The following ECT2 variants were observed in gnomAD, a reference collection of about 807,000 sequenced individuals.
The protein encoded by ECT2 is protein ECT2.
In ECT2, 61 loss-of-function variants were observed where a neutral mutation model predicts 116.9. That is an observed-to-expected ratio of 0.52 (90% CI 0.42 to 0.65). The LOEUF (loss-of-function observed/expected upper bound fraction) is 0.65, where lower values mean the gene tolerates loss of function less well. Among genes scored for constraint, ECT2 ranks in the 30% least tolerant of loss-of-function variants. The pLI is 0.00. For missense variants in ECT2, 937 were observed against 1,078.7 expected, an observed-to-expected ratio of 0.87 and a Z score of 1.84; for synonymous variants, 358 against 346.4, an observed-to-expected ratio of 1.03 and a Z score of -0.37.
chr3:172,788,285 T>C (rs944661536), intron 18 of ECT2, among the ~76,000 whole-genome samples: 1 of 152,222 alleles, frequency 6.6e-6, no homozygotes, highest in East Asian at 1.9e-4. Flanking sequence ...AAAAGCCTCC[T>C]AAAATTGAAT....
chr3:172,816,956 T>C, intron 24 of ECT2, 119 bp downstream of exon 24: 1 of 733,742 alleles, frequency 1.4e-6, no homozygotes. Flanking sequence ...TAATTTTATT[T>C]AACCCAGTAT....
chr3:172,752,931 G>T (rs976380081), intron 1 of ECT2, among the ~76,000 whole-genome samples: 1 of 152,158 alleles, frequency 6.6e-6, no homozygotes, highest in Non-Finnish European at 1.5e-5. Context: ...ACTTTGCTAA[G>T]ACTCTGGAGG....
intron 18 of ECT2, among the ~76,000 whole-genome samples, chr3:172,801,680 C>T (rs1726748859): frequency 6.6e-6 from 1 of 152,222 alleles, no homozygotes; most frequent in Non-Finnish European, 1.5e-5. Context: ...TAGCTAGGCA[C>T]TATCTGTGCT....
At chr3:172,772,257 C>T (rs1050040214) in intron 13 of ECT2, among the ~76,000 whole-genome samples, 38 of 150,490 alleles carry the variant, frequency 2.5e-4, no homozygotes, top group African/African-American at 8.8e-4. Flanking sequence ...CTTGCTCTGT[C>T]GCCCAGGCTG....
chr3:172,801,191 T>C (rs1726653660), intron 18 of ECT2, among the ~76,000 whole-genome samples: 1 of 152,230 alleles, frequency 6.6e-6, no homozygotes, highest in African/African-American at 2.4e-5. Context: ...CTAGACATTG[T>C]CAGTTTTACT....
In ECT2 at chr3:172,816,895, T is replaced by C. The variant is rs1005393766; in HGVS notation, c.2655+58T>C. On this transcript the variant is annotated intron_variant, in intron 24 of 24. Transcript: ENST00000392692. ...TTATTTATGAAGTTGTTATGGAATT[T>C]GTTAACTTCTAAAAATTGGAAATAT... 9 of 1,336,214 alleles carry C rather than the reference T, an allele frequency of 6.7e-6. No individual in the cohort carries two copies. In the African/African-American group the frequency reaches 1.3e-4, roughly 20 times the overall value. The allele number at this position is 1,336,214 out of a possible 1,614,324, so 82.8% of individuals were successfully genotyped here. A position where few individuals can be genotyped will look rare whatever the true frequency, so the allele number is the denominator to read the frequency against.
rs1385732206 is a variant in ECT2 at position 172,820,846 on chromosome 3, G to A, written c.*609G>A. On this transcript the variant is annotated 3_prime_UTR_variant, in exon 25 of 25. Coordinates refer to ENST00000392692, the MANE Select transcript of ECT2 (RefSeq NM_001258315.2). Reference sequence around the variant, plus strand: ...ATTAACAAGAATAACATTTAAAGGAGATTGTTTCAAAATATTTTTGCAAAT... The same window carrying A: ...ATTAACAAGAATAACATTTAAAGGAAATTGTTTCAAAATATTTTTGCAAAT... The A allele has an allele frequency of 6.6e-6, 1 of 151,912 alleles. No homozygotes were observed. The highest frequency in any genetic ancestry group is 6.6e-5 in the Admixed American group (1 of 15,250). The allele number at this position is 151,912 out of a possible 1,614,324, so 9.4% of individuals were successfully genotyped here.
rs34742755 is a variant in ECT2, at chr3:172,755,327, T to C, written c.163T>C (p.Leu55=). 3,020 of 1,606,048 alleles carry C rather than the reference T, an allele frequency of 1.9e-3. 50 individuals are homozygous for C. In the African/African-American group the frequency reaches 0.033, roughly 17 times the overall value. Reference sequence around the variant, plus strand: ...GCCTCAGATTGAAACAAGAGTGATATTGGTTCAAGAAGCTGGAAAACAAGA... The same window carrying C: ...GCCTCAGATTGAAACAAGAGTGATACTGGTTCAAGAAGCTGGAAAACAAGA... ...EMPQIETRVI[L]VQEAGKQEEL... is the part of the protein sequence containing the mutation. The change falls in exon 3 of 25, where the codon TTG becomes CTG. Residue 55 remains leucine (L), a synonymous_variant. Coordinates refer to ENST00000392692, the MANE Select transcript of ECT2 (RefSeq NM_001258315.2).
intron 18 of ECT2, among the ~76,000 whole-genome samples, chr3:172,788,118 T>TA (rs1723939856): frequency 6.6e-6 from 1 of 152,180 alleles, no homozygotes; most frequent in African/African-American, 2.4e-5. Context: ...TAATAAGCCT[T>TA]ATAGAATTTT....
At position 172,754,581 on chromosome 3, in the gene ECT2, A is replaced by G. The variant is rs1716582425; in HGVS notation, c.51A>G (p.Ala17=). 2 of 1,611,830 alleles carry G rather than the reference A, an allele frequency of 1.2e-6. No individual in the cohort carries two copies. Among genetic ancestry groups the G allele is most frequent in the East Asian group, 2.2e-5 (1 of 44,766 alleles). Residue 17 remains alanine (A), a synonymous_variant, in exon 2 of 25, where the codon GCA becomes GCG. Transcript: ENST00000392692. Reference sequence around the variant, plus strand: ...CCACTACTGGGAGGACTAGCTTGGCAGACTCTTCCATTTTTGATTCTAAAG... The same window carrying G: ...CCACTACTGGGAGGACTAGCTTGGCGGACTCTTCCATTTTTGATTCTAAAG... The part of the protein sequence containing the change: ...LTSTTGRTSL[A]DSSIFDSKVT...
chr3:172,791,546 T>C (rs1049410344), intron 18 of ECT2, among the ~76,000 whole-genome samples: 1 of 152,254 alleles, frequency 6.6e-6, no homozygotes. Context: ...CTTGTACTTT[T>C]ATGTTACAGA....
At chr3:172,811,599 T>C (rs899350956) in intron 22 of ECT2, among the ~76,000 whole-genome samples, 2 of 152,178 alleles carry the variant, frequency 1.3e-5, no homozygotes, top group Non-Finnish European at 2.9e-5. Context: ...TTAGTCATAG[T>C]TAAGATAACA....
downstream of ECT2, among the ~76,000 whole-genome samples, chr3:172,823,931 CT>C (rs757739212): frequency 1.0e-4 from 10 of 96,992 alleles, no homozygotes; most frequent in Admixed American, 1.5e-4. Flanking sequence ...CTAAGTTTTT[CT>C]CTTTTTTTTT....
intron 20 of ECT2, among the ~76,000 whole-genome samples, chr3:172,804,501 C>T (rs1465300735): frequency 1.3e-5 from 2 of 152,144 alleles, no homozygotes; most frequent in Admixed American, 1.3e-4. Flanking sequence ...TGATTGAGAA[C>T]AGATGCTAGG....
intron 5 of ECT2, among the ~76,000 whole-genome samples, chr3:172,757,415 CTTTT>C (rs34169147): frequency 8.3e-6 from 1 of 120,438 alleles, no homozygotes; most frequent in Admixed American, 9.6e-5. Flanking sequence ...ATACATAGTC[CTTTT>C]TTTTTTTTTT....
At chr3:172,761,158 A>G (rs1051249972) in intron 7 of ECT2, among the ~76,000 whole-genome samples, 1 of 152,200 alleles carries the variant, frequency 6.6e-6, no homozygotes, top group African/African-American at 2.4e-5. Context: ...ATGTCTTAGC[A>G]AGAGTTTATC....
At chr3:172,766,206 T>C (rs1719346198) in intron 12 of ECT2, among the ~76,000 whole-genome samples, 1 of 152,140 alleles carries the variant, frequency 6.6e-6, no homozygotes, top group Non-Finnish European at 1.5e-5. Context: ...TTTGAGAATA[T>C]AAAGAGGAGC....
chr3:172,828,615 CTTTT>C, the ECT2 span: 32 of 154,430 alleles, frequency 2.1e-4, no homozygotes, highest in Non-Finnish European at 3.3e-4. Context: ...AAACTGGTAT[CTTTT>C]TTTTTTTTTT....
At chr3:172,752,459 A>G (rs1383568916) in intron 1 of ECT2, 1 of 150,652 alleles carries the variant, frequency 6.6e-6, no homozygotes, top group African/African-American at 2.4e-5. Flanking sequence ...TTCCTCTTCC[A>G]GTCCTTAAAG....
Sources: allele counts gnomAD v4.1 joint callset (sites outside exome capture counted in the v4.1 genomes callset), GRCh38; gene constraint gnomAD v4.1.1; transcripts MANE v1.5; gene names NCBI Gene and HGNC (gene_info 2026-07-23, HGNC 2026-07-21).